CLIP2: variants seen among roughly 807,000 people sequenced by gnomAD.
CLIP2 encodes the protein CAP-Gly domain containing linker protein 2, also known as CAP-Gly domain-containing linker protein 2.
CLIP2 carries 41 observed loss-of-function variants against 111.7 expected under a neutral mutation model. That is an observed-to-expected ratio of 0.37 (90% CI 0.29 to 0.48). CLIP2 has a LOEUF of 0.48. Among genes scored for constraint, CLIP2 ranks in the 20% least tolerant of loss-of-function variants. CLIP2 has a pLI of 0.99. For missense variants in CLIP2, 1,160 were observed against 1,422.1 expected (o/e 0.82, Z 2.96); for synonymous variants, 660 against 644.2 (o/e 1.02, Z -0.37).
chr7:74,331,273 A>C lies in CLIP2; in HGVS notation c.122-7175A>C, dbSNP rs144401833. Among the ~76,000 whole-genome samples the C allele has an allele frequency of 1.1e-3, 165 of 149,874 alleles. 1 individual carries two copies. The highest frequency in any genetic ancestry group is 3.9e-3 in the African/African-American group (159 of 40,974). On this transcript the variant is annotated intron_variant, in intron 2 of 16. Transcript: ENST00000223398. Reference sequence around the variant, plus strand: ...TCTGAGCCCTGAGAAGGAGGCATAAATGAATTAGGAGTGATTTCTTCCGTG... The same window carrying C: ...TCTGAGCCCTGAGAAGGAGGCATAACTGAATTAGGAGTGATTTCTTCCGTG...
chr7:74,293,889 C>T (rs1364343153), intron 1 of CLIP2, among the ~76,000 whole-genome samples: 1 of 151,124 alleles, frequency 6.6e-6, no homozygotes, highest in African/African-American at 2.4e-5. Context: ...GATTTGGGTC[C>T]AACCGGCAGC....
intron 13 of CLIP2, among the ~76,000 whole-genome samples, chr7:74,389,588 T>TAA (rs149173666): frequency 0.011 from 1,175 of 104,502 alleles, 30 homozygotes; most frequent in African/African-American, 0.033. Context: ...CCCCTATCTC[T>TAA]AAAAAAAAAA....
intron 2 of CLIP2, among the ~76,000 whole-genome samples, chr7:74,332,841 C>T (rs1554731550): frequency 6.6e-6 from 1 of 152,180 alleles, no homozygotes; most frequent in Admixed American, 6.5e-5. Flanking sequence ...TGCCGGGCCC[C>T]GTTTGGCCAT....
intron 12 of CLIP2, among the ~76,000 whole-genome samples, chr7:74,387,058 C>A (rs1554314934): frequency 1.3e-5 from 2 of 151,078 alleles, no homozygotes; most frequent in African/African-American, 4.9e-5. Context: ...AGGGCCAGGT[C>A]ACCTGCACCA....
intron 11 of CLIP2, 23 bp downstream of exon 11, chr7:74,380,886 G>A (rs1554313780): frequency 2.5e-6 from 4 of 1,612,204 alleles, no homozygotes; most frequent in Non-Finnish European, 3.4e-6. Flanking sequence ...CAGGCCGGGC[G>A]GGACTCTGGG....
chr7:74,392,460 G>A (rs963563051), intron 13 of CLIP2, among the ~76,000 whole-genome samples: 1 of 152,028 alleles, frequency 6.6e-6, no homozygotes, highest in Non-Finnish European at 1.5e-5. Context: ...TTGGGCCCAG[G>A]AAGTGGAGAC....
chr7:74,335,970 C>T (rs1385733464), intron 2 of CLIP2, among the ~76,000 whole-genome samples: 1 of 150,192 alleles, frequency 6.7e-6, no homozygotes, highest in Admixed American at 6.7e-5. Context: ...TCTCAATCTC[C>T]TGACCTCGTG....
chr7:74,302,360 C>T (rs1182497808), intron 1 of CLIP2, among the ~76,000 whole-genome samples: 7 of 151,808 alleles, frequency 4.6e-5, no homozygotes, highest in East Asian at 1.9e-4. Flanking sequence ...GGATTACAGG[C>T]GCACACCACC....
intron 1 of CLIP2, among the ~76,000 whole-genome samples, chr7:74,301,010 A>G (rs1444913519): frequency 6.6e-6 from 1 of 152,128 alleles, no homozygotes; most frequent in African/African-American, 2.4e-5. Flanking sequence ...TCTCTGCACC[A>G]TTTCTCATAA....
chr7:74,364,513 TC>T (rs1255309592), intron 8 of CLIP2, among the ~76,000 whole-genome samples, 198 bp downstream of exon 8: 1 of 152,024 alleles, frequency 6.6e-6, no homozygotes. Flanking sequence ...GAAGCTGTGC[TC>T]CCCGTGTCAG....
intron 3 of CLIP2, among the ~76,000 whole-genome samples, chr7:74,349,858 A>G (rs1475345161): frequency 6.6e-6 from 1 of 151,596 alleles, no homozygotes; most frequent in Non-Finnish European, 1.5e-5. Context: ...CAAGTGATCC[A>G]CCTGCGTCGG....
At chr7:74,371,798 T>C (rs1790634051) in intron 8 of CLIP2, among the ~76,000 whole-genome samples, 1 of 151,914 alleles carries the variant, frequency 6.6e-6, no homozygotes. Flanking sequence ...ACTTTTTTTG[T>C]TGTTCCTTAA....
At chr7:74,300,843 T>A (rs1554726714) in intron 1 of CLIP2, among the ~76,000 whole-genome samples, 2 of 152,204 alleles carry the variant, frequency 1.3e-5, no homozygotes, top group African/African-American at 4.8e-5. Flanking sequence ...GACGGACACA[T>A]ATGTTGATTC....
chr7:74,290,450 C>T (rs1043920807), intron 1 of CLIP2, among the ~76,000 whole-genome samples: 3 of 152,234 alleles, frequency 2.0e-5, no homozygotes, highest in Non-Finnish European at 4.4e-5. Flanking sequence ...CCTTCAGGGC[C>T]CGCCCGTTTG....
chr7:74,372,067 G>T (rs1190774638), intron 8 of CLIP2, among the ~76,000 whole-genome samples: 1 of 151,956 alleles, frequency 6.6e-6, no homozygotes, highest in African/African-American at 2.4e-5. Context: ...GATGAACTTG[G>T]GTCTCCAAAC....
intron 2 of CLIP2, among the ~76,000 whole-genome samples, chr7:74,328,017 G>T (rs1363936069): frequency 6.6e-6 from 1 of 152,178 alleles, no homozygotes; most frequent in Admixed American, 6.6e-5. Flanking sequence ...CAGAGCCTGG[G>T]ATTCAGGACG....
At chr7:74,355,662 C>T (rs1166462648) in intron 4 of CLIP2, among the ~76,000 whole-genome samples, 1 of 152,190 alleles carries the variant, frequency 6.6e-6, no homozygotes, top group African/African-American at 2.4e-5. Flanking sequence ...AGTGTGGAAT[C>T]CGTGACCAGA....
At chr7:74,383,376 G>A (rs966968724) in intron 11 of CLIP2, among the ~76,000 whole-genome samples, 1 of 152,036 alleles carries the variant, frequency 6.6e-6, no homozygotes, top group Non-Finnish European at 1.5e-5. Context: ...CTGGACTTTT[G>A]TTCTATTCCA....
intron 10 of CLIP2, among the ~76,000 whole-genome samples, chr7:74,378,072 C>T (rs782081937): frequency 4.6e-5 from 7 of 151,934 alleles, no homozygotes; most frequent in Admixed American, 6.6e-5. Flanking sequence ...GTGATCTGCC[C>T]GCCTCGGCCT....
Sources: allele counts gnomAD v4.1 joint callset (sites outside exome capture counted in the v4.1 genomes callset), GRCh38; gene constraint gnomAD v4.1.1; transcripts MANE v1.5; gene names NCBI Gene and HGNC (gene_info 2026-07-23, HGNC 2026-07-21).